CCNYL1: variants seen among roughly 807,000 people sequenced by gnomAD.
The protein encoded by CCNYL1 is cyclin Y like 1.
Under a neutral mutation model 44.2 loss-of-function variants are expected in CCNYL1, and 16 were observed. The observed-to-expected ratio is 0.36, with a 90% CI of 0.25 to 0.55. The LOEUF is 0.55. Among genes scored for constraint, CCNYL1 ranks in the 20% least tolerant of loss-of-function variants. The pLI is 0.85. For synonymous variants in CCNYL1, 159 were observed against 163.2 expected, an observed-to-expected ratio of 0.97 and a Z score of 0.20; for missense variants, 348 against 451.8, an observed-to-expected ratio of 0.77 and a Z score of 2.08.
rs1168601894 is a variant in CCNYL1 at position 207,754,801 on chromosome 2, C to T, written c.*1103C>T. ...TACAAGTGCAACTGGCACCTGTCTC[C>T]TGAATATTAAGCTTTTAATTTTTTG... On this transcript the variant is annotated 3_prime_UTR_variant, in exon 10 of 10. Transcript: ENST00000295414. 1.9e-5 allele frequency: 3 copies of T among 154,162 alleles called. No individual in the cohort carries two copies. Among genetic ancestry groups the T allele is most frequent in the Non-Finnish European group, 2.9e-5 (2 of 68,172 alleles). 9.5% of individuals were successfully genotyped at this position (154,162 alleles called of 1,614,324 possible).
In CCNYL1 at chr2:207,753,590, T is replaced by C; in HGVS notation, c.972T>C (p.Ala324=). 1 of 1,602,206 alleles carries C rather than the reference T, an allele frequency of 6.2e-7. No homozygotes were observed. The highest frequency in any genetic ancestry group is 1.1e-5 in the South Asian group (1 of 90,224). ...LSKERAQNLE[A]ISRLCEDKDL... is the part of the protein sequence containing the mutation. Reference sequence around the variant, plus strand: ...TTCTATTTGATTGACTTTCCTAGGCTATTTCTAGATTGTGTGAAGACAAAG... The same window carrying C: ...TTCTATTTGATTGACTTTCCTAGGCCATTTCTAGATTGTGTGAAGACAAAG... Residue 324 remains alanine, a splice_region_variant and synonymous_variant, in exon 10 of 10, where the codon GCT becomes GCC. Coordinates refer to ENST00000295414, the MANE Select transcript of CCNYL1 (RefSeq NM_001330218.2).
chr2:207,734,925 C>T (rs1375903174), intron 4 of CCNYL1, among the ~76,000 whole-genome samples: 2 of 152,160 alleles, frequency 1.3e-5, no homozygotes. Flanking sequence ...TGTCTAAAGT[C>T]CTGAGCTTTG....
chr2:207,753,226 A>AT (rs1491200012), intron 9 of CCNYL1, among the ~76,000 whole-genome samples: 2 of 152,048 alleles, frequency 1.3e-5, no homozygotes, highest in South Asian at 4.1e-4. Context: ...CTGAATAAAC[A>AT]TTTTTTTGCA....
At chr2:207,717,564 G>A (rs1397617417) in intron 1 of CCNYL1, among the ~76,000 whole-genome samples, 2 of 152,204 alleles carry the variant, frequency 1.3e-5, no homozygotes, top group African/African-American at 4.8e-5. Flanking sequence ...TAGGGTCATG[G>A]ATTGGGGAGG....
At chr2:207,720,603 G>A (rs572824231) in intron 1 of CCNYL1, among the ~76,000 whole-genome samples, 84 of 152,086 alleles carry the variant, frequency 5.5e-4, no homozygotes, top group African/African-American at 1.9e-3. Flanking sequence ...GTAGAGATGG[G>A]GGTCTCACTA....
intron 7 of CCNYL1, among the ~76,000 whole-genome samples, chr2:207,745,775 CCCGT>C (rs773226423): frequency 2.0e-5 from 3 of 152,104 alleles, no homozygotes; most frequent in Admixed American, 1.3e-4. Context: ...ATGGTGAAAC[CCCGT>C]CTCTACTAAA....
chr2:207,723,302 C>G (rs552305870), intron 1 of CCNYL1, among the ~76,000 whole-genome samples: 1 of 152,092 alleles, frequency 6.6e-6, no homozygotes, highest in East Asian at 1.9e-4. Flanking sequence ...AGATTCTAAC[C>G]AAATTACTTG....
intron 1 of CCNYL1, among the ~76,000 whole-genome samples, chr2:207,720,085 G>A (rs1028081986): frequency 2.0e-5 from 3 of 151,404 alleles, no homozygotes; most frequent in Non-Finnish European, 4.4e-5. Context: ...CTGCCTGGGA[G>A]GCTGAAGCAG....
chr2:207,731,998 T>G (rs1400922785), intron 3 of CCNYL1, among the ~76,000 whole-genome samples: 2 of 151,962 alleles, frequency 1.3e-5, no homozygotes, highest in African/African-American at 4.8e-5. Context: ...TTAGTAGAGA[T>G]AGGGTTTCTC....
intron 8 of CCNYL1, among the ~76,000 whole-genome samples, chr2:207,749,226 G>A (rs2091875543): frequency 6.6e-6 from 1 of 152,124 alleles, no homozygotes; most frequent in African/African-American, 2.4e-5. Flanking sequence ...GGCTGCTTTT[G>A]TTTATGATCT....
chr2:207,726,789 T>G, intron 2 of CCNYL1, 53 bp from the exon 3 acceptor site: 1 of 1,272,912 alleles, frequency 7.9e-7, no homozygotes, highest in South Asian at 1.3e-5. Flanking sequence ...GCAACTACTT[T>G]TATACTGTGG....
chr2:207,733,492 T>C (rs115043379), intron 3 of CCNYL1, among the ~76,000 whole-genome samples: 3 of 152,348 alleles, frequency 2.0e-5, no homozygotes, highest in African/African-American at 7.2e-5. Flanking sequence ...CCTGAACTAA[T>C]ACGTTTAATA....
At chr2:207,714,610 C>A (rs186641909) in intron 1 of CCNYL1, 42 of 209,412 alleles carry the variant, frequency 2.0e-4, no homozygotes, top group Non-Finnish European at 3.3e-4. Flanking sequence ...ATGCACTGGA[C>A]AGAGGAATAT....
Position 207,755,248 on chromosome 2 carries a change from C to T in CCNYL1, c.*1550C>T, listed in dbSNP as rs990152453. 6.6e-6 allele frequency: 1 copy of T among 152,090 alleles called. No individual in the cohort carries two copies. The allele number at this position is 152,090 out of a possible 1,614,324, so 9.4% of individuals were successfully genotyped here. A position where few individuals can be genotyped will look rare whatever the true frequency, so the allele number is the denominator to read the frequency against. On this transcript the variant is annotated 3_prime_UTR_variant, in exon 10 of 10. Transcript: ENST00000295414. ...TAATAAAAATAGTTGGATATGGTGGCATGTGTCTGTAGTCCCAGCCACTCT... is the reference window on the plus strand; with the variant it reads ...TAATAAAAATAGTTGGATATGGTGGTATGTGTCTGTAGTCCCAGCCACTCT...
chr2:207,724,923 TC>T, intron 2 of CCNYL1, 49 bp downstream of exon 2: 2 of 1,404,142 alleles, frequency 1.4e-6, no homozygotes, highest in Non-Finnish European at 2.0e-6. Flanking sequence ...GAAAACTGTT[TC>T]TATTTTATTG....
intron 7 of CCNYL1, 148 bp downstream of exon 7, chr2:207,742,490 C>A: frequency 4.1e-6 from 3 of 727,166 alleles, no homozygotes; most frequent in Non-Finnish European, 6.6e-6. Context: ...CGTACATTCG[C>A]GTTTAATCAT....
Position 207,751,033 on chromosome 2 carries a change from T to C in CCNYL1, c.883T>C (p.Tyr295His), listed in dbSNP as rs988078075. ...TCCTGCCAGTGTTTATGCCAAATAC[T>C]ACTTTGACCTTCGCTCCTTAGCAGA... ...NVPASVYAKYYFDLRSLADDN... is the reference protein window; with the variant it reads ...NVPASVYAKYHFDLRSLADDN... Residue 295 changes from tyrosine (Y) to histidine (H), a missense_variant, in exon 9 of 10, where the codon TAC becomes CAC. Tyr to His is a moderately conservative substitution (Grantham distance 83, BLOSUM62 2). Around this residue, in one of 3 missense-constraint regions of CCNYL1, gnomAD observed 94 missense variants for 102.4 expected, o/e 0.92. Transcript: ENST00000295414. The C allele has an allele frequency of 1.2e-6, 2 of 1,613,938 alleles. No individual in the cohort carries two copies. Among genetic ancestry groups the C allele is most frequent in the Admixed American group, 3.3e-5 (2 of 60,028 alleles).
At chr2:207,742,607 T>C (rs2091819840) in intron 7 of CCNYL1, among the ~76,000 whole-genome samples, 1 of 152,194 alleles carries the variant, frequency 6.6e-6, no homozygotes, top group Non-Finnish European at 1.5e-5. Context: ...AATGCACATG[T>C]ACACATTCAG....
At chr2:207,746,837 A>G (rs976778078) in intron 7 of CCNYL1, among the ~76,000 whole-genome samples, 2 of 152,262 alleles carry the variant, frequency 1.3e-5, no homozygotes, top group African/African-American at 2.4e-5. Context: ...TTAGCTGGGC[A>G]TGGTGGCGCA....
Sources: allele counts gnomAD v4.1 joint callset (sites outside exome capture counted in the v4.1 genomes callset), GRCh38; gene constraint gnomAD v4.1.1; regional missense constraint gnomAD v4.1.1; transcripts MANE v1.5; gene names NCBI Gene and HGNC (gene_info 2026-07-23, HGNC 2026-07-21).